MCTP1: variants seen among roughly 807,000 people sequenced by gnomAD.
MCTP1 encodes multiple C2 and transmembrane domain containing 1, also known as multiple C2 and transmembrane domain-containing protein 1.
MCTP1 carries 69 observed loss-of-function variants against 120.6 expected under a neutral mutation model. The ratio of observed to expected loss-of-function variants is 0.57; its 90% CI spans 0.47 to 0.70. MCTP1 has a LOEUF of 0.70. Ranked by LOEUF, MCTP1 falls within the 30% of genes least tolerant of loss-of-function variation. The pLI, the probability that MCTP1 is intolerant of heterozygous loss-of-function variation, is 0.00. For synonymous variants in MCTP1, 529 were observed against 493.1 expected (o/e 1.07, Z -0.96); for missense variants, 1,203 against 1,248.8 (o/e 0.96, Z 0.55).
chr5:94,937,570 T>C lies in MCTP1; in HGVS notation c.1173+2514A>G, dbSNP rs555261294. ...TCCCAGGCACTGTAATATTTTTAGA[T>C]AATTTTTACATTTTAAAAATAAGTT... On this transcript the variant is annotated intron_variant, in intron 5 of 22. Coordinates refer to ENST00000515393, the MANE Select transcript of MCTP1 (RefSeq NM_024717.7). Among the ~76,000 whole-genome samples, 6 of 152,224 alleles carry C rather than the reference T, an allele frequency of 3.9e-5. No homozygotes were observed. The South Asian group carries it at 1.2e-3, about 31-fold the overall frequency.
chr5:95,178,514 T>G (rs1748265161), intron 1 of MCTP1, among the ~76,000 whole-genome samples: 1 of 152,074 alleles, frequency 6.6e-6, no homozygotes, highest in Non-Finnish European at 1.5e-5. Context: ...TTGCAGACAT[T>G]CCTTAGTACC....
At chr5:94,951,431 G>A (rs1820546964) in intron 3 of MCTP1, among the ~76,000 whole-genome samples, 1 of 152,094 alleles carries the variant, frequency 6.6e-6, no homozygotes. Context: ...GTTCTTTCAT[G>A]GAGTAATATC....
intron 1 of MCTP1, among the ~76,000 whole-genome samples, chr5:95,210,190 T>A (rs976880469): frequency 2.0e-5 from 3 of 152,160 alleles, no homozygotes; most frequent in Non-Finnish European, 2.9e-5. Flanking sequence ...GTCTATTAGG[T>A]CCACTTGGTG....
At chr5:94,759,689 C>T (rs1422903114) in intron 19 of MCTP1, among the ~76,000 whole-genome samples, 9 of 152,026 alleles carry the variant, frequency 5.9e-5, no homozygotes, top group African/African-American at 2.2e-4. Flanking sequence ...CAGATGAATG[C>T]TTTTTAGGCA....
chr5:95,266,455 T>C (rs566786262), intron 1 of MCTP1, among the ~76,000 whole-genome samples: 2 of 152,368 alleles, frequency 1.3e-5, no homozygotes, highest in South Asian at 2.1e-4. Flanking sequence ...AAAGGGTTTA[T>C]GATACCCAAA....
chr5:94,725,316 C>A (rs112467442), intron 19 of MCTP1, among the ~76,000 whole-genome samples: 16 of 152,276 alleles, frequency 1.1e-4, no homozygotes, highest in African/African-American at 3.1e-4. Flanking sequence ...CCATTGAAAG[C>A]TTATTTGAGA....
intron 1 of MCTP1, among the ~76,000 whole-genome samples, chr5:95,121,423 T>A (rs567431170): frequency 1.2e-4 from 17 of 145,460 alleles, no homozygotes; most frequent in African/African-American, 4.1e-4. Flanking sequence ...TAAAATAAAA[T>A]ACCTAGGAAT....
chr5:94,920,731 G>C (rs2153458272), intron 7 of MCTP1, among the ~76,000 whole-genome samples: 1 of 146,036 alleles, frequency 6.8e-6, no homozygotes, highest in East Asian at 2.0e-4. Context: ...GACAGAGGGA[G>C]ATTCCGTCTC....
At chr5:95,004,664 A>C (rs1487454363) in intron 2 of MCTP1, among the ~76,000 whole-genome samples, 1 of 152,158 alleles carries the variant, frequency 6.6e-6, no homozygotes, top group East Asian at 1.9e-4. Context: ...CAAGCCAAAA[A>C]CCTTGGCAGC....
chr5:94,777,923 T>TGTGC (rs1312773054), intron 19 of MCTP1, among the ~76,000 whole-genome samples: 3 of 73,056 alleles, frequency 4.1e-5, no homozygotes, highest in Non-Finnish European at 9.2e-5. Flanking sequence ...AGGGAGAAAG[T>TGTGC]GTGCGTGTGT....
intron 1 of MCTP1, among the ~76,000 whole-genome samples, chr5:95,187,548 C>T (rs1357032339): frequency 2.6e-5 from 4 of 152,082 alleles, no homozygotes; most frequent in Admixed American, 6.5e-5. Context: ...TACAGGCACC[C>T]GCCACCACGC....
intron 1 of MCTP1, among the ~76,000 whole-genome samples, chr5:95,033,183 C>A (rs1368218369): frequency 3.9e-5 from 6 of 152,084 alleles, no homozygotes; most frequent in Non-Finnish European, 7.4e-5. Flanking sequence ...TAAAACTATT[C>A]CATAAAATTG....
chr5:94,805,046 T>G (rs1198214645), intron 17 of MCTP1, among the ~76,000 whole-genome samples: 1 of 152,244 alleles, frequency 6.6e-6, no homozygotes, highest in Non-Finnish European at 1.5e-5. Flanking sequence ...CAATTCAGTA[T>G]TAAAATGTTA....
intron 17 of MCTP1, chr5:94,867,419 G>A: frequency 2.7e-6 from 3 of 1,128,296 alleles, no homozygotes; most frequent in Middle Eastern, 1.9e-4. Flanking sequence ...CTAAACAGAT[G>A]TGCATACACT....
At chr5:95,261,982 G>GC (rs1157947337) in intron 1 of MCTP1, among the ~76,000 whole-genome samples, 3 of 152,170 alleles carry the variant, frequency 2.0e-5, no homozygotes, top group Non-Finnish European at 1.5e-5. Flanking sequence ...GGCCTTTATA[G>GC]CCCCCCATCA....
intron 1 of MCTP1, among the ~76,000 whole-genome samples, chr5:95,183,076 C>T (rs13163584): frequency 0.21 from 30,759 of 149,994 alleles, 3,340 homozygotes; most frequent in Non-Finnish European, 0.24. Flanking sequence ...CAAATCAGGA[C>T]AGCGCCAGTA....
intron 1 of MCTP1, among the ~76,000 whole-genome samples, chr5:95,128,242 G>A (rs1195884944): frequency 1.3e-5 from 2 of 152,174 alleles, no homozygotes; most frequent in Admixed American, 6.5e-5. Context: ...AAGAAGAGAT[G>A]AGAACTTTGG....
intron 1 of MCTP1, among the ~76,000 whole-genome samples, chr5:95,249,317 T>TA (rs959765750): frequency 1.0e-4 from 15 of 150,244 alleles, no homozygotes; most frequent in Non-Finnish European, 1.0e-4. Context: ...AATTTACAAT[T>TA]AAAAAAAACC....
intron 17 of MCTP1, chr5:94,826,505 A>G: frequency 1.4e-6 from 1 of 703,700 alleles, no homozygotes; most frequent in Non-Finnish European, 2.6e-6. Context: ...TCAGTTCTGT[A>G]CATCTGCCTA....
Sources: allele counts gnomAD v4.1 joint callset (sites outside exome capture counted in the v4.1 genomes callset), GRCh38; gene constraint gnomAD v4.1.1; transcripts MANE v1.5; gene names NCBI Gene and HGNC (gene_info 2026-07-23, HGNC 2026-07-21).